ETS2: variants seen among roughly 807,000 people sequenced by gnomAD.
ETS2 encodes the protein protein C-ets-2.
A neutral mutation model predicts 54.9 loss-of-function variants in ETS2; 19 were observed. The observed-to-expected ratio is 0.35, with a 90% confidence interval of 0.24 to 0.51. The LOEUF (loss-of-function observed/expected upper bound fraction) is 0.51, where lower values mean the gene tolerates loss of function less well. Ranked by LOEUF, ETS2 falls within the 20% of genes least tolerant of loss-of-function variation. The pLI, the probability that ETS2 is intolerant of heterozygous loss-of-function variation, is 0.97. For synonymous variants in ETS2, 219 were observed against 229.3 expected (o/e 0.95, Z 0.41); for missense variants, 417 against 593.0 (o/e 0.70, Z 3.08).
In ETS2 at chr21:38,817,100, G is replaced by C; in HGVS notation, c.589+9G>C. 1.3e-6 allele frequency: 2 copies of C among 1,559,246 alleles called. No homozygotes were observed. The highest frequency in any genetic ancestry group is 1.8e-6 in the Non-Finnish European group (2 of 1,130,868). ...TAACAGCAATACATTAGGTCAGTCC[G>C]ATTGATTCTGCCCTTAAGAACTTTG... On this transcript the variant is annotated intron_variant, in intron 6 of 9. Coordinates refer to ENST00000360938, the MANE Select transcript of ETS2 (RefSeq NM_005239.6).
chr21:38,807,034 T>G (rs1456608303), intron 1 of ETS2, among the ~76,000 whole-genome samples: 1 of 152,224 alleles, frequency 6.6e-6, no homozygotes, highest in Non-Finnish European at 1.5e-5. Context: ...TTCCATACAA[T>G]GGAAGCGCCT....
intron 1 of ETS2, among the ~76,000 whole-genome samples, chr21:38,807,700 T>C (rs1162047055): frequency 6.6e-6 from 1 of 152,244 alleles, no homozygotes; most frequent in African/African-American, 2.4e-5. Context: ...AGGCTGCCTT[T>C]TCTCCTGGTA....
At chr21:38,817,115 TA>T (rs2123419483) in intron 6 of ETS2, 24 bp downstream of exon 6, 2 of 1,492,030 alleles carry the variant, frequency 1.3e-6, no homozygotes, top group Non-Finnish European at 9.3e-7. Context: ...ATTCTGCCCT[TA>T]AGAACTTTGT....
At chr21:38,812,781 A>AAAT (rs199778083) in intron 2 of ETS2, among the ~76,000 whole-genome samples, 1 of 151,656 alleles carries the variant, frequency 6.6e-6, no homozygotes, top group African/African-American at 2.4e-5. Context: ...ACCTGTCTCA[A>AAAT]AATAATAATA....
At position 38,821,403 on chromosome 21, in the gene ETS2, C is replaced by G. The variant is rs1040060056; in HGVS notation, c.1076-183C>G. Among the ~76,000 whole-genome samples the G allele has an allele frequency of 2.6e-5, 4 of 152,194 alleles. No individual in the cohort carries two copies. The highest frequency in any genetic ancestry group is 2.6e-4 in the Admixed American group (4 of 15,284). Reference sequence around the variant, plus strand: ...ACTCACATTTGGTGCCCCGCCCCATCCCGTTAAAGCACTTAGTACTGTCAC... The same window carrying G: ...ACTCACATTTGGTGCCCCGCCCCATGCCGTTAAAGCACTTAGTACTGTCAC... On this transcript the variant is annotated intron_variant, in intron 8 of 9. Transcript: ENST00000360938. The surrounding 1 kb of genome is among the most constrained non-coding windows in gnomAD (Gnocchi z 4.2).
chr21:38,815,696 G>A lies in ETS2; in HGVS notation c.505+715G>A, dbSNP rs141738765. On this transcript the variant is annotated intron_variant, in intron 5 of 9. Coordinates refer to ENST00000360938, the MANE Select transcript of ETS2 (RefSeq NM_005239.6). ...CTGTAATCCCAGCACTTTGGGAGGC[G>A]GAGGCGGGCAGATTACTTGAGGTTA... 3.4e-3 allele frequency among the ~76,000 whole-genome samples: 522 copies of A among 151,462 alleles called. 3 individuals carry two copies. Among genetic ancestry groups the A allele is most frequent in the African/African-American group, 0.012 (479 of 41,248 alleles).
intron 6 of ETS2, 137 bp from the exon 7 acceptor site, chr21:38,818,288 A>C (rs948360416): frequency 9.3e-5 from 109 of 1,171,486 alleles, no homozygotes; most frequent in Non-Finnish European, 1.2e-4. Flanking sequence ...ACAGACCCCC[A>C]CCAAAGCCCG....
chr21:38,806,500 A>G lies in ETS2; in HGVS notation c.-1+380A>G. On this transcript the variant is annotated intron_variant, in intron 1 of 9. Coordinates refer to ENST00000360938, the MANE Select transcript of ETS2 (RefSeq NM_005239.6). This position sits in a 1 kb window ranked among gnomAD's most constrained non-coding sequence, Gnocchi z 4.3. The stretch of plus-strand genomic sequence containing the variant: ...CTGCCCAGTGGATGTCCCGGCGAAC[A>G]TGATTTCGCGAACGGGAGTGGGGGC... 1 of 985,448 alleles carries G rather than the reference A, an allele frequency of 1.0e-6. No individual in the cohort carries two copies. The highest frequency in any genetic ancestry group is 1.2e-6 in the Non-Finnish European group (1 of 829,982). 61.0% of individuals were successfully genotyped at this position (985,448 alleles called of 1,614,324 possible).
chr21:38,823,086 A>C lies in ETS2; in HGVS notation c.*197A>C, dbSNP rs1237856771. On this transcript the variant is annotated 3_prime_UTR_variant, in exon 10 of 10. Coordinates refer to ENST00000360938, the MANE Select transcript of ETS2 (RefSeq NM_005239.6). ...CCCTTGTGGCAGCAACGGCACAGCT[A>C]ATTCTACTCACAGTGCTTTTAAGTG... is the stretch of plus-strand genomic sequence containing the variant. 4 of 451,272 alleles carry C rather than the reference A, an allele frequency of 8.9e-6. No homozygotes were observed. The highest frequency in any genetic ancestry group is 1.6e-5 in the Non-Finnish European group (4 of 257,264). 28.0% of individuals were successfully genotyped at this position (451,272 alleles called of 1,614,324 possible).
rs775564273 is a variant in ETS2, at chr21:38,823,318, CCATGT to C, written c.*433_*437del. Reference sequence around the variant, plus strand: ...GGGTAGGAGGGTGGGAAGGAAACAACCATGTCATTTCAGAAGTTAGTTTGTATATA... The same window carrying C: ...GGGTAGGAGGGTGGGAAGGAAACAACCATTTCAGAAGTTAGTTTGTATATA... On this transcript the variant is annotated 3_prime_UTR_variant, in exon 10 of 10. Coordinates refer to ENST00000360938, the MANE Select transcript of ETS2 (RefSeq NM_005239.6). 12 of 155,174 alleles carry C rather than the reference CCATGT, an allele frequency of 7.7e-5. No homozygotes were observed. Among genetic ancestry groups the C allele is most frequent in the Admixed American group, 2.6e-4 (4 of 15,376 alleles). 9.6% of individuals were successfully genotyped at this position (155,174 alleles called of 1,614,324 possible). A position where few individuals can be genotyped will look rare whatever the true frequency, so the allele number is the denominator to read the frequency against.
intron 8 of ETS2, among the ~76,000 whole-genome samples, chr21:38,820,631 G>A (rs2060954201): frequency 6.6e-6 from 1 of 152,212 alleles, no homozygotes. Context: ...CATACAGTCT[G>A]TAGGACAGCC....
Position 38,806,198 on chromosome 21 carries a change from T to C in ETS2, c.-1+78T>C. On this transcript the variant is annotated intron_variant, in intron 1 of 9. Coordinates refer to ENST00000360938, the MANE Select transcript of ETS2 (RefSeq NM_005239.6). The surrounding 1 kb of genome is among the most constrained non-coding windows in gnomAD (Gnocchi z 4.3). The stretch of plus-strand genomic sequence containing the variant: ...GGGTCACCCGGGGCCTGGGCGGGGG[T>C]CGCGGGGGGCACTGACACGCAGATC... 2 of 991,220 alleles carry C rather than the reference T, an allele frequency of 2.0e-6. No individual in the cohort carries two copies. Among genetic ancestry groups the C allele is most frequent in the Non-Finnish European group, 2.4e-6 (2 of 835,014 alleles). 61.4% of individuals were successfully genotyped at this position (991,220 alleles called of 1,614,324 possible).
intron 1 of ETS2, among the ~76,000 whole-genome samples, chr21:38,808,750 G>A (rs2060903212): frequency 6.6e-6 from 1 of 152,190 alleles, no homozygotes; most frequent in Admixed American, 6.5e-5. Context: ...CATCCAGTAA[G>A]TTCTATCAGT....
intron 5 of ETS2, among the ~76,000 whole-genome samples, chr21:38,815,634 T>TAA (rs1359016836): frequency 6.6e-6 from 1 of 151,438 alleles, no homozygotes; most frequent in East Asian, 2.0e-4. Context: ...CATGTTGAGT[T>TAA]AAAAAAGAAA....
At chr21:38,810,833 T>C (rs1341941819) in intron 2 of ETS2, among the ~76,000 whole-genome samples, 1 of 152,252 alleles carries the variant, frequency 6.6e-6, no homozygotes, top group East Asian at 1.9e-4. Flanking sequence ...ATAATGATGA[T>C]GTACGTCTCT....
chr21:38,814,809 A>G lies in ETS2; in HGVS notation c.333A>G (p.Val111=). The G allele has an allele frequency of 6.2e-7, 1 of 1,614,172 alleles. No individual in the cohort carries two copies. The highest frequency in any genetic ancestry group is 1.1e-5 in the South Asian group (1 of 91,084). The change falls in exon 5 of 10, where the codon GTA becomes GTG. Residue 111 remains valine (V), a synonymous_variant. Coordinates refer to ENST00000360938, the MANE Select transcript of ETS2 (RefSeq NM_005239.6). The surrounding 1 kb of genome is among the most constrained non-coding windows in gnomAD (Gnocchi z 4.2). ...CCTGGCTGTGGAGTGAGCAACAGGT[A>G]TGCCAGTGGCTTCTCTGGGCCACCA... The part of the protein sequence containing the change: ...KNPWLWSEQQ[V]CQWLLWATNE...
Position 38,814,560 on chromosome 21 carries a change from T to G in ETS2, c.304+168T>G, listed in dbSNP as rs2060925540. Among the ~76,000 whole-genome samples, 1 of 152,200 alleles carries G rather than the reference T, an allele frequency of 6.6e-6. No homozygotes were observed. On this transcript the variant is annotated intron_variant, in intron 4 of 9. Transcript: ENST00000360938. This position sits in a 1 kb window ranked among gnomAD's most constrained non-coding sequence, Gnocchi z 4.2. Reference sequence around the variant, plus strand: ...GTTTCACCCCAATCAACCCAAGACTTGATCCAGAACTCATTAAATATGTAG... The same window carrying G: ...GTTTCACCCCAATCAACCCAAGACTGGATCCAGAACTCATTAAATATGTAG...
chr21:38,815,099 G>T (rs1391731788), intron 5 of ETS2, 118 bp downstream of exon 5: 14 of 949,092 alleles, frequency 1.5e-5, no homozygotes, highest in Non-Finnish European at 9.8e-6. Flanking sequence ...ATGACATAGA[G>T]TACCTTGCCT....
Position 38,823,252 on chromosome 21 carries a change from C to T in ETS2, c.*363C>T, listed in dbSNP as rs1218608709. On this transcript the variant is annotated 3_prime_UTR_variant, in exon 10 of 10. Transcript: ENST00000360938. ...AGACTATTTTTAGATTTTCTTTTGC[C>T]TTTTGCAACCAGGAACAGCAAATGC... is the stretch of plus-strand genomic sequence containing the variant. The T allele has an allele frequency of 3.5e-5, 6 of 170,160 alleles. No homozygotes were observed. Among genetic ancestry groups the T allele is most frequent in the Non-Finnish European group, 7.5e-5 (6 of 80,228 alleles). The allele number at this position is 170,160 out of a possible 1,614,324, so 10.5% of individuals were successfully genotyped here.
Sources: gnomAD v4.1 joint callset for allele counts (sites outside exome capture counted in the v4.1 genomes callset) on GRCh38, gnomAD v4.1.1 for gene constraint, Gnocchi (gnomAD v3.1) non-coding constraint, MANE v1.5 for transcripts, NCBI Gene and HGNC (gene_info 2026-07-23, HGNC 2026-07-21) for gene names.